PSD4: variants seen among roughly 807,000 people sequenced by gnomAD.
PSD4 encodes pleckstrin and Sec7 domain containing 4.
Under a neutral mutation model 112.5 loss-of-function variants are expected in PSD4, and 59 were observed. That is an observed-to-expected ratio of 0.52 (90% CI 0.43 to 0.65). The LOEUF is 0.65. Ranked by LOEUF, PSD4 falls within the 30% of genes least tolerant of loss-of-function variation. The pLI is 0.00. For missense variants in PSD4, 1,267 were observed against 1,352.6 expected, an observed-to-expected ratio of 0.94 and a Z score of 0.99; for synonymous variants, 533 against 540.0, an observed-to-expected ratio of 0.99 and a Z score of 0.18.
Position 113,192,639 on chromosome 2 carries a change from G to C in PSD4, c.1838+50G>C, listed in dbSNP as rs772236208. 3.2e-6 allele frequency: 5 copies of C among 1,586,470 alleles called. No homozygotes were observed. The South Asian group carries it at 5.6e-5, about 18-fold the overall frequency. On this transcript the variant is annotated intron_variant, in intron 6 of 16. Transcript: ENST00000245796. ...GGCTGGAGGCTGAGGCAGCCAGGGA[G>C]GAGCTGCTGAAGGGCTCCCTCCACT...
In PSD4 at chr2:113,195,785, C is replaced by T; in HGVS notation, c.2225+15C>T. 2 of 1,614,144 alleles carry T rather than the reference C, an allele frequency of 1.2e-6. No homozygotes were observed. The highest frequency in any genetic ancestry group is 1.7e-6 in the Non-Finnish European group (2 of 1,180,004). ...GAGTGGGCCGTGTGAGTGAGACTCC[C>T]TTTCCCCTCTCCCTCTCACCCCTCT... On this transcript the variant is annotated intron_variant, in intron 11 of 16. Transcript: ENST00000245796.
Position 113,182,357 on chromosome 2 carries a change from A to C in PSD4, c.-100A>C. On this transcript the variant is annotated 5_prime_UTR_variant, in exon 2 of 17. Coordinates refer to ENST00000245796, the MANE Select transcript of PSD4 (RefSeq NM_012455.3). ...TTGGGCATTTCCAGGGTAGATATGGATTCCCAGTTTCTCCAGCGGCCAGTG... is the reference window on the plus strand; with the variant it reads ...TTGGGCATTTCCAGGGTAGATATGGCTTCCCAGTTTCTCCAGCGGCCAGTG... 8.4e-7 allele frequency: 1 copy of C among 1,184,484 alleles called. No homozygotes were observed. The highest frequency in any genetic ancestry group is 1.2e-6 in the Non-Finnish European group (1 of 837,788). The allele number at this position is 1,184,484 out of a possible 1,614,324, so 73.4% of individuals were successfully genotyped here. A position where few individuals can be genotyped will look rare whatever the true frequency, so the allele number is the denominator to read the frequency against.
chr2:113,188,825 C>T (rs1158242887), intron 5 of PSD4, among the ~76,000 whole-genome samples: 1 of 151,710 alleles, frequency 6.6e-6, no homozygotes, highest in African/African-American at 2.4e-5. Flanking sequence ...GCCTTGGCCT[C>T]CTAAAGTGCT....
chr2:113,196,590 G>GA (rs1228147806), intron 12 of PSD4: 1 of 341,394 alleles, frequency 2.9e-6, no homozygotes, highest in South Asian at 8.6e-5. Flanking sequence ...CAATGTCTGC[G>GA]AAAAAAATGT....
chr2:113,185,196 C>G, intron 3 of PSD4, 123 bp downstream of exon 3: 3 of 1,557,694 alleles, frequency 1.9e-6, no homozygotes, highest in Non-Finnish European at 2.6e-6. Context: ...ATCAGGACTC[C>G]CCTTCTGAAC....
intron 16 of PSD4, 115 bp downstream of exon 16, chr2:113,199,341 C>T: frequency 8.0e-7 from 1 of 1,242,350 alleles, no homozygotes; most frequent in Non-Finnish European, 1.0e-6. Flanking sequence ...GGGAGAGGCG[C>T]TTGCGTGCGG....
Position 113,185,501 on chromosome 2 carries a change from G to A in PSD4, c.1249+61G>A, listed in dbSNP as rs940829136. ...CTGGGAGGATTTGGAATTTGGAGTG[G>A]GGACAAAGATCATTCTTGGATCCAT... On this transcript the variant is annotated intron_variant, in intron 4 of 16. Transcript: ENST00000245796. The A allele has an allele frequency of 1.1e-5, 18 of 1,613,110 alleles. No individual in the cohort carries two copies. In the East Asian group the frequency reaches 3.6e-4, roughly 32 times the overall value.
intron 1 of PSD4, chr2:113,175,341 T>TTC (rs35717716): frequency 0.33 from 48,695 of 147,540 alleles, 8,100 homozygotes; most frequent in East Asian, 0.59. Flanking sequence ...TAGCACTGTC[T>TTC]TCTCTCTCTC....
Position 113,203,394 on chromosome 2 carries a change from A to G in PSD4, c.*1979A>G, listed in dbSNP as rs1043256774. On this transcript the variant is annotated 3_prime_UTR_variant, in exon 17 of 17. Coordinates refer to ENST00000245796, the MANE Select transcript of PSD4 (RefSeq NM_012455.3). The stretch of plus-strand genomic sequence containing the variant: ...TAAATATGTTTAAAGCTCCTTGGGT[A>G]ATTCTGATGTGTAAGTAGCAGTTAG... 1 of 152,106 alleles carries G rather than the reference A, an allele frequency of 6.6e-6. No individual in the cohort carries two copies. The highest frequency in any genetic ancestry group is 2.4e-5 in the African/African-American group (1 of 41,414). The allele number at this position is 152,106 out of a possible 1,614,324, so 9.4% of individuals were successfully genotyped here.
intron 15 of PSD4, 22 bp from the exon 16 acceptor site, chr2:113,199,061 C>A (rs1349392802): frequency 6.6e-7 from 1 of 1,520,008 alleles, no homozygotes; most frequent in Admixed American, 2.1e-5. Context: ...GGACAGCGCC[C>A]CTCACCGCCC....
intron 5 of PSD4, among the ~76,000 whole-genome samples, chr2:113,189,381 A>G (rs1431151780): frequency 1.3e-5 from 2 of 151,350 alleles, no homozygotes; most frequent in Non-Finnish European, 2.9e-5. Context: ...ACACACATAC[A>G]CACCACAGTT....
chr2:113,206,476 G>A lies in PSD4; in HGVS notation c.*5061G>A. ...GCTATGTGATCATCTACCAGACCCT[G>A]CACCCAGGCTCAGCCTGATCTTGCC... is the stretch of plus-strand genomic sequence containing the variant. On this transcript the variant is annotated 3_prime_UTR_variant, in exon 17 of 17. Transcript: ENST00000245796. 6.6e-6 allele frequency: 1 copy of A among 152,380 alleles called. No individual in the cohort carries two copies. 9.4% of individuals were successfully genotyped at this position (152,380 alleles called of 1,614,324 possible).
chr2:113,185,264 C>G, intron 3 of PSD4, 101 bp from the exon 4 acceptor site: 1 of 1,554,310 alleles, frequency 6.4e-7, no homozygotes, highest in Non-Finnish European at 8.8e-7. Flanking sequence ...TCATGGCATC[C>G]TTCCCCTCCC....
rs45555634 is a variant in PSD4 at position 113,197,866 on chromosome 2, C to A, written c.2577C>A (p.Val859=). ...CGCATTACACCAAGAAGCCGCACGT[C>A]TTCCAGCTGCGCACGGCTGACTGGC... ...PATHYTKKPH[V]FQLRTADWRL... is the part of the protein sequence containing the mutation. Residue 859 remains valine (V), a synonymous_variant, in exon 14 of 17, where the codon GTC becomes GTA. Coordinates refer to ENST00000245796, the MANE Select transcript of PSD4 (RefSeq NM_012455.3). The A allele has an allele frequency of 0.032, 52,072 of 1,606,748 alleles. 1,144 individuals carry two copies. Among genetic ancestry groups the A allele is most frequent in the Non-Finnish European group, 0.034 (40,136 of 1,175,220 alleles).
At chr2:113,182,234 G>A in intron 1 of PSD4, 112 bp from the exon 2 acceptor site, 1 of 534,328 alleles carries the variant, frequency 1.9e-6, no homozygotes, top group Non-Finnish European at 3.3e-6. Context: ...CAGTGCTAAG[G>A]AGCAGCAGGC....
chr2:113,180,010 C>T (rs1474788521), intron 1 of PSD4, among the ~76,000 whole-genome samples: 3 of 152,178 alleles, frequency 2.0e-5, no homozygotes, highest in Non-Finnish European at 4.4e-5. Context: ...TTTGGAGGCA[C>T]TTTTAGAAAA....
chr2:113,204,182 A>G lies in PSD4; in HGVS notation c.*2767A>G, dbSNP rs190041088. On this transcript the variant is annotated 3_prime_UTR_variant, in exon 17 of 17. Coordinates refer to ENST00000245796, the MANE Select transcript of PSD4 (RefSeq NM_012455.3). ...GCTCCCTGAAAGGCAGGAAGTTATT[A>G]TGTGTGCCCCTGTGCCATCACCGAA... 1 of 152,358 alleles carries G rather than the reference A, an allele frequency of 6.6e-6. No individual in the cohort carries two copies. Among genetic ancestry groups the G allele is most frequent in the East Asian group, 1.9e-4 (1 of 5,174 alleles). 9.4% of individuals were successfully genotyped at this position (152,358 alleles called of 1,614,324 possible). A position where few individuals can be genotyped will look rare whatever the true frequency, so the allele number is the denominator to read the frequency against.
At chr2:113,192,927 C>A in intron 6 of PSD4, 121 bp from the exon 7 acceptor site, 1 of 976,702 alleles carries the variant, frequency 1.0e-6, no homozygotes, top group Non-Finnish European at 1.5e-6. Context: ...GCCCAGCGTG[C>A]CTGCACCCTT....
rs1688463048 is a variant in PSD4, at chr2:113,192,279, T to TCCTC, written c.1629-99_1629-96dup. 3.0e-5 allele frequency: 34 copies of TCCTC among 1,151,766 alleles called. 1 individual carries two copies. In the South Asian group the frequency reaches 4.5e-4, roughly 15 times the overall value. The allele number at this position is 1,151,766 out of a possible 1,614,324, so 71.3% of individuals were successfully genotyped here. ...CCCTGAGTAAGGGCCTGGGTCCAGC[T>TCCTC]CCTCCGGGCCCCACCATTCAAGGCG... On this transcript the variant is annotated intron_variant, in intron 5 of 16. Coordinates refer to ENST00000245796, the MANE Select transcript of PSD4 (RefSeq NM_012455.3).
Sources: allele counts gnomAD v4.1 joint callset (sites outside exome capture counted in the v4.1 genomes callset), GRCh38; gene constraint gnomAD v4.1.1; transcripts MANE v1.5; gene names NCBI Gene and HGNC (gene_info 2026-07-23, HGNC 2026-07-21).